The following DTWD1 variants were observed in gnomAD, a reference collection of about 807,000 sequenced individuals.
DTWD1 encodes DTW motif tRNA-uridine aminocarboxypropyltransferase 1, also known as tRNA-uridine aminocarboxypropyltransferase 1.
A neutral mutation model predicts 30.2 loss-of-function variants in DTWD1; 27 were observed. The ratio of observed to expected loss-of-function variants is 0.90; its 90% CI spans 0.66 to 1.23. DTWD1 has a LOEUF of 1.23. DTWD1 is among the 50% of genes most tolerant of loss of function. The probability of loss-of-function intolerance (pLI) is 0.00; values close to 1 mark genes in which losing one functional copy is unlikely to be tolerated. For missense variants in DTWD1, 342 were observed against 348.8 expected (o/e 0.98, Z 0.15); for synonymous variants, 99 against 113.1 (o/e 0.88, Z 0.79).
At chr15:49,635,677 T>C (rs1019290437) in intron 4 of DTWD1, among the ~76,000 whole-genome samples, 9 of 150,302 alleles carry the variant, frequency 6.0e-5, no homozygotes, top group African/African-American at 2.2e-4. Context: ...TGTATTTTCA[T>C]AGAGACGGGT....
intron 4 of DTWD1, among the ~76,000 whole-genome samples, chr15:49,642,100 G>C (rs2079072271): frequency 6.6e-6 from 1 of 151,796 alleles, no homozygotes; most frequent in Admixed American, 6.6e-5. Context: ...GAATATTTTT[G>C]TATTTCTTTT....
In DTWD1 at chr15:49,655,353, T is replaced by C. The variant is rs1338390505; in HGVS notation, c.*11775T>C. The stretch of plus-strand genomic sequence containing the variant: ...ATAACTGATACAACAGTCTTTTCGT[T>C]AGTAGAAGAGGGGGTAAGAAAGAAA... On this transcript the variant is annotated 3_prime_UTR_variant, in exon 5 of 5. Transcript: ENST00000403028. 1 of 152,060 alleles carries C rather than the reference T, an allele frequency of 6.6e-6. No individual in the cohort carries two copies. Among genetic ancestry groups the C allele is most frequent in the African/African-American group, 2.4e-5 (1 of 41,436 alleles). 9.4% of individuals were successfully genotyped at this position (152,060 alleles called of 1,614,324 possible).
At position 49,654,839 on chromosome 15, in the gene DTWD1, T is replaced by G. The variant is rs929450102; in HGVS notation, c.*11261T>G. Reference sequence around the variant, plus strand: ...GACTTAAACAACAGAAATTTATATCTTACATTTCTGGAGACTGAAAATATG... The same window carrying G: ...GACTTAAACAACAGAAATTTATATCGTACATTTCTGGAGACTGAAAATATG... On this transcript the variant is annotated 3_prime_UTR_variant, in exon 5 of 5. Transcript: ENST00000403028. 7 of 152,040 alleles carry G rather than the reference T, an allele frequency of 4.6e-5. No homozygotes were observed. Among genetic ancestry groups the G allele is most frequent in the African/African-American group, 1.7e-4 (7 of 41,432 alleles). The allele number at this position is 152,040 out of a possible 1,614,324, so 9.4% of individuals were successfully genotyped here.
At position 49,653,393 on chromosome 15, in the gene DTWD1, C is replaced by T. The variant is rs1287310281; in HGVS notation, c.*9815C>T. 6.6e-6 allele frequency: 1 copy of T among 152,100 alleles called. No individual in the cohort carries two copies. Among genetic ancestry groups the T allele is most frequent in the East Asian group, 1.9e-4 (1 of 5,188 alleles). 9.4% of individuals were successfully genotyped at this position (152,100 alleles called of 1,614,324 possible). ...AAAAAGCAAAGAAACAGATTCTTTC[C>T]AGAGTGTCCAGAAAGGAATGCAGTT... On this transcript the variant is annotated 3_prime_UTR_variant, in exon 5 of 5. Transcript: ENST00000403028.
chr15:49,647,114 T>A lies in DTWD1; in HGVS notation c.*3536T>A, dbSNP rs1866881206. On this transcript the variant is annotated 3_prime_UTR_variant, in exon 5 of 5. Coordinates refer to ENST00000403028, the MANE Select transcript of DTWD1 (RefSeq NM_001144955.2). ...CGGAGATTCTCAAAGTACTCATGAC[T>A]TCATTTGTAGAAACATGTATATCTT... 6.6e-6 allele frequency: 1 copy of A among 152,210 alleles called. No homozygotes were observed. The highest frequency in any genetic ancestry group is 2.4e-5 in the African/African-American group (1 of 41,470). 9.4% of individuals were successfully genotyped at this position (152,210 alleles called of 1,614,324 possible). A position where few individuals can be genotyped will look rare whatever the true frequency, so the allele number is the denominator to read the frequency against.
intron 3 of DTWD1, 97 bp from the exon 4 acceptor site, chr15:49,634,439 T>C: frequency 1.5e-6 from 2 of 1,339,292 alleles, no homozygotes; most frequent in South Asian, 1.7e-5. Context: ...ATTTCTCAGA[T>C]ATTCAACATA....
In DTWD1 at chr15:49,634,797, A is replaced by T. The variant is rs2078979541; in HGVS notation, c.667+3A>T. 1 of 1,234,032 alleles carries T rather than the reference A, an allele frequency of 8.1e-7. No individual in the cohort carries two copies. The highest frequency in any genetic ancestry group is 1.1e-6 in the Non-Finnish European group (1 of 943,396). 76.4% of individuals were successfully genotyped at this position (1,234,032 alleles called of 1,614,324 possible). A position where few individuals can be genotyped will look rare whatever the true frequency, so the allele number is the denominator to read the frequency against. On this transcript the variant is annotated splice_donor_region_variant and intron_variant, in intron 4 of 4. Coordinates refer to ENST00000403028, the MANE Select transcript of DTWD1 (RefSeq NM_001144955.2). The stretch of plus-strand genomic sequence containing the variant: ...ATTCACTGATGAGCGACTTCAAGGT[A>T]AAAAAAAAATGTTTTTTTGGACTGC...
intron 3 of DTWD1, among the ~76,000 whole-genome samples, chr15:49,633,063 A>ATATATATATATC (rs1166727330): frequency 6.8e-6 from 1 of 146,110 alleles, no homozygotes; most frequent in Non-Finnish European, 1.5e-5. Context: ...ATATATATAT[A>ATATATATATATC]TATATATGTA....
intron 4 of DTWD1, among the ~76,000 whole-genome samples, chr15:49,643,033 T>C (rs903250906): frequency 6.6e-6 from 1 of 152,136 alleles, no homozygotes; most frequent in East Asian, 1.9e-4. Flanking sequence ...ACATAGAAGA[T>C]TGGAAGACAT....
chr15:49,641,959 G>A (rs1343631172), intron 4 of DTWD1, among the ~76,000 whole-genome samples: 1 of 152,048 alleles, frequency 6.6e-6, no homozygotes, highest in Non-Finnish European at 1.5e-5. Flanking sequence ...TCATGTATCT[G>A]TGGCTTTTTA....
rs1199185909 is a variant in DTWD1, at chr15:49,634,782, G to T, written c.655G>T (p.Glu219Ter). ...WNQTNKIFTD[E>*]RLQGLLQVEL... Reference sequence around the variant, plus strand: ...CCAAACAAACAAAATATTCACTGATGAGCGACTTCAAGGTAAAAAAAAAAT... The same window carrying T: ...CCAAACAAACAAAATATTCACTGATTAGCGACTTCAAGGTAAAAAAAAAAT... Residue 219 changes from glutamate (E) to a stop codon, truncating the protein, a stop_gained, in exon 4 of 5, where the codon GAG (glutamate) becomes TAG (stop). Coordinates refer to ENST00000403028, the MANE Select transcript of DTWD1 (RefSeq NM_001144955.2). LOFTEE classifies it high-confidence loss of function. 1 of 1,565,866 alleles carries T rather than the reference G, an allele frequency of 6.4e-7. No individual in the cohort carries two copies. Among genetic ancestry groups the T allele is most frequent in the Non-Finnish European group, 8.6e-7 (1 of 1,160,290 alleles).
intron 2 of DTWD1, 52 bp from the exon 3 acceptor site, chr15:49,632,107 T>TA (rs1209447487): frequency 7.0e-7 from 1 of 1,425,972 alleles, no homozygotes; most frequent in Non-Finnish European, 9.3e-7. Flanking sequence ...TTTATTAACA[T>TA]AAAAATTAAA....
At chr15:49,627,456 T>C (rs1003700327) in intron 2 of DTWD1, among the ~76,000 whole-genome samples, 1 of 152,192 alleles carries the variant, frequency 6.6e-6, no homozygotes, top group African/African-American at 2.4e-5. Context: ...CATTCATAAA[T>C]ATAGTCATAT....
Position 49,646,464 on chromosome 15 carries a change from C to T in DTWD1, c.*2886C>T, listed in dbSNP as rs2079119232. 1 of 152,030 alleles carries T rather than the reference C, an allele frequency of 6.6e-6. No homozygotes were observed. Among genetic ancestry groups the T allele is most frequent in the African/African-American group, 2.4e-5 (1 of 41,392 alleles). 9.4% of individuals were successfully genotyped at this position (152,030 alleles called of 1,614,324 possible). On this transcript the variant is annotated 3_prime_UTR_variant, in exon 5 of 5. Coordinates refer to ENST00000403028, the MANE Select transcript of DTWD1 (RefSeq NM_001144955.2). ...TTTGTATGATTCCTCTGCTTGAGATCAATTAGCCATATGTTCAGAATCCCT... is the reference window on the plus strand; with the variant it reads ...TTTGTATGATTCCTCTGCTTGAGATTAATTAGCCATATGTTCAGAATCCCT...
At position 49,655,463 on chromosome 15, in the gene DTWD1, C is replaced by G. The variant is rs1053871329; in HGVS notation, c.*11885C>G. The G allele has an allele frequency of 1.3e-5, 2 of 151,788 alleles. No homozygotes were observed. Among genetic ancestry groups the G allele is most frequent in the Admixed American group, 6.6e-5 (1 of 15,208 alleles). The allele number at this position is 151,788 out of a possible 1,614,324, so 9.4% of individuals were successfully genotyped here. A position where few individuals can be genotyped will look rare whatever the true frequency, so the allele number is the denominator to read the frequency against. ...ACTCCCGTGTTTTTTTTAGTCCATG[C>G]TGGTGGTATCCTCATCAATGCAATT... On this transcript the variant is annotated 3_prime_UTR_variant, in exon 5 of 5. Coordinates refer to ENST00000403028, the MANE Select transcript of DTWD1 (RefSeq NM_001144955.2).
chr15:49,621,437 C>G (rs553007857), intron 1 of DTWD1: 8 of 152,188 alleles, frequency 5.3e-5, no homozygotes, highest in Non-Finnish European at 1.2e-4. Context: ...CCCTAGGAAC[C>G]CCATACTTTA....
Position 49,647,664 on chromosome 15 carries a change from T to C in DTWD1, c.*4086T>C, listed in dbSNP as rs1374982609. On this transcript the variant is annotated 3_prime_UTR_variant, in exon 5 of 5. Transcript: ENST00000403028. Reference sequence around the variant, plus strand: ...TAACCAAACACTTACTGACCCTACATTGAAGGCCACCAGCCAAAAATCACC... The same window carrying C: ...TAACCAAACACTTACTGACCCTACACTGAAGGCCACCAGCCAAAAATCACC... 9.9e-5 allele frequency: 15 copies of C among 152,026 alleles called. No individual in the cohort carries two copies. Among genetic ancestry groups the C allele is most frequent in the Non-Finnish European group, 1.2e-4 (8 of 68,010 alleles). The allele number at this position is 152,026 out of a possible 1,614,324, so 9.4% of individuals were successfully genotyped here. A position where few individuals can be genotyped will look rare whatever the true frequency, so the allele number is the denominator to read the frequency against.
intron 4 of DTWD1, among the ~76,000 whole-genome samples, chr15:49,643,071 A>G (rs1293853066): frequency 1.3e-5 from 2 of 152,150 alleles, no homozygotes; most frequent in Non-Finnish European, 2.9e-5. Flanking sequence ...ACTACTTTTA[A>G]TTCATTGGTC....
At position 49,643,393 on chromosome 15, in the gene DTWD1, C is replaced by G. The variant is rs2079090118; in HGVS notation, c.730C>G (p.Pro244Ala). 5.7e-6 allele frequency: 9 copies of G among 1,589,732 alleles called. No individual in the cohort carries two copies. The highest frequency in any genetic ancestry group is 6.8e-6 in the Non-Finnish European group (8 of 1,172,054). ...TCFWRHQKGKPDTFLSTIEAI... is the reference protein window; with the variant it reads ...TCFWRHQKGKADTFLSTIEAI... ...CTTTTGGCGCCATCAAAAAGGAAAG[C>G]CAGATACTTTCCTTTCTACAATTGA... Residue 244 changes from proline (P) to alanine (A), a missense_variant, in exon 5 of 5, where the codon CCA becomes GCA. By Grantham distance (27) the Pro-to-Ala change is conservative (BLOSUM62 -1). Transcript: ENST00000403028.
Sources: gnomAD v4.1 joint callset for allele counts (sites outside exome capture counted in the v4.1 genomes callset) on GRCh38, gnomAD v4.1.1 for gene constraint, MANE v1.5 for transcripts, NCBI Gene and HGNC (gene_info 2026-07-23, HGNC 2026-07-21) for gene names.